Variants in GRIP1 observed in about 807,000 individuals in gnomAD.
The protein encoded by GRIP1 is glutamate receptor interacting protein 1, also known as glutamate receptor-interacting protein 1.
GRIP1 carries 45 observed loss-of-function variants against 129.9 expected under a neutral mutation model. The observed-to-expected ratio is 0.35, with a 90% CI of 0.27 to 0.44. The LOEUF (loss-of-function observed/expected upper bound fraction) is 0.44. Ranked by LOEUF, GRIP1 falls within the 20% of genes least tolerant of loss-of-function variation. The pLI is 1.00. For synonymous variants in GRIP1, 530 were observed against 520.8 expected (o/e 1.02, Z -0.24); for missense variants, 1,196 against 1,396.8 (o/e 0.86, Z 2.29).
At chr12:66,995,973 T>C (rs2042461025) in intron 1 of GRIP1, among the ~76,000 whole-genome samples, 1 of 152,154 alleles carries the variant, frequency 6.6e-6, no homozygotes, top group Non-Finnish European at 1.5e-5. Flanking sequence ...ATGTGGTATA[T>C]ACATACGATG....
intron 1 of GRIP1, among the ~76,000 whole-genome samples, chr12:66,734,271 C>T (rs982321306): frequency 2.0e-5 from 3 of 152,126 alleles, no homozygotes; most frequent in African/African-American, 7.2e-5. Context: ...GGGCTGAAAG[C>T]TGGCACTCAG....
At chr12:66,412,202 A>G (rs2057426754) in intron 15 of GRIP1, among the ~76,000 whole-genome samples, 5 of 152,220 alleles carry the variant, frequency 3.3e-5, no homozygotes, top group Admixed American at 3.3e-4. Flanking sequence ...GGTCGAAATG[A>G]AAGAAAAAAA....
chr12:67,014,396 A>G (rs971944909), intron 1 of GRIP1, among the ~76,000 whole-genome samples: 2 of 152,192 alleles, frequency 1.3e-5, no homozygotes, highest in African/African-American at 4.8e-5. Flanking sequence ...GGAGAAACCA[A>G]AGCACTCACA....
In GRIP1 at chr12:66,796,109, C is replaced by T. The variant is rs140623647; in HGVS notation, c.-420+7944G>A. 1.0e-2 allele frequency among the ~76,000 whole-genome samples: 1,514 copies of T among 152,074 alleles called. 7 individuals carry two copies. Among genetic ancestry groups the T allele is most frequent in the Middle Eastern group, 0.027 (8 of 294 alleles). On this transcript the variant is annotated intron_variant, in intron 1 of 4. Coordinates refer to the GRIP1 transcript ENST00000538373. ...CACCCCCACTTTAGACAATCCCTAA[C>T]TTTGCAATAGTATACTAACAGAAGA... is the stretch of plus-strand genomic sequence containing the variant.
chr12:66,637,854 T>C (rs2031549541), intron 1 of GRIP1, among the ~76,000 whole-genome samples: 1 of 152,184 alleles, frequency 6.6e-6, no homozygotes, highest in South Asian at 2.1e-4. Flanking sequence ...AGGGCATAAC[T>C]GGGACAGATA....
intron 1 of GRIP1, among the ~76,000 whole-genome samples, chr12:66,850,145 TGA>T (rs568446260): frequency 1.1e-3 from 164 of 152,206 alleles, no homozygotes; most frequent in Admixed American, 2.8e-3. Context: ...AAAGGGGAGA[TGA>T]GTTATATTAC....
chr12:66,664,299 T>C (rs908742229), intron 1 of GRIP1, among the ~76,000 whole-genome samples: 7 of 152,224 alleles, frequency 4.6e-5, no homozygotes, highest in African/African-American at 1.7e-4. Context: ...TATGACATCA[T>C]ATTGTGCCCT....
chr12:66,556,878 T>C (rs935655335), intron 2 of GRIP1, among the ~76,000 whole-genome samples: 1 of 150,644 alleles, frequency 6.6e-6, no homozygotes, highest in Non-Finnish European at 1.5e-5. Flanking sequence ...AGAGAAACAT[T>C]ACCACTAAAA....
intron 1 of GRIP1, among the ~76,000 whole-genome samples, chr12:66,858,459 G>C (rs2040044868): frequency 6.6e-6 from 1 of 151,752 alleles, no homozygotes; most frequent in Admixed American, 6.6e-5. Context: ...AAATTGACTT[G>C]TGTTTCTTGG....
intron 7 of GRIP1, among the ~76,000 whole-genome samples, chr12:66,482,541 T>C (rs1253044696): frequency 6.6e-6 from 1 of 152,210 alleles, no homozygotes; most frequent in Non-Finnish European, 1.5e-5. Context: ...TTTTCCATAA[T>C]AAATGTTTCC....
At chr12:67,019,026 A>C (rs1177494204) in intron 1 of GRIP1, among the ~76,000 whole-genome samples, 1 of 152,154 alleles carries the variant, frequency 6.6e-6, no homozygotes, top group Non-Finnish European at 1.5e-5. Context: ...ACATTATTAA[A>C]TGGGGCTGAT....
chr12:66,999,356 T>C (rs977291994), intron 1 of GRIP1, among the ~76,000 whole-genome samples: 1 of 152,092 alleles, frequency 6.6e-6, no homozygotes, highest in Non-Finnish European at 1.5e-5. Flanking sequence ...GAATTTCCAT[T>C]TGAAGGTTAG....
chr12:66,517,663 G>C (rs909928410), intron 6 of GRIP1, among the ~76,000 whole-genome samples: 1 of 152,066 alleles, frequency 6.6e-6, no homozygotes, highest in Non-Finnish European at 1.5e-5. Flanking sequence ...CATTTCCAAT[G>C]GTGGTGGAAA....
chr12:66,388,276 TTA>T (rs1231148685), intron 19 of GRIP1, among the ~76,000 whole-genome samples: 5 of 143,690 alleles, frequency 3.5e-5, no homozygotes, highest in African/African-American at 1.5e-4. Context: ...AAAAAAGAGA[TTA>T]ATTATATAAA....
chr12:66,730,402 C>G (rs954679268), intron 1 of GRIP1, among the ~76,000 whole-genome samples: 1 of 152,048 alleles, frequency 6.6e-6, no homozygotes, highest in Non-Finnish European at 1.5e-5. Flanking sequence ...ATGTAGCTTA[C>G]TTAAAAATTC....
intron 1 of GRIP1, among the ~76,000 whole-genome samples, chr12:66,763,341 G>A (rs1018890657): frequency 3.9e-5 from 6 of 152,076 alleles, no homozygotes; most frequent in Non-Finnish European, 7.4e-5. Context: ...TCATTTGCCG[G>A]TTTGAATTGA....
chr12:66,449,520 G>A (rs1024310031), intron 11 of GRIP1, among the ~76,000 whole-genome samples: 1 of 152,188 alleles, frequency 6.6e-6, no homozygotes, highest in Admixed American at 6.5e-5. Context: ...ATAGCCTGCA[G>A]TGGGGGGTGA....
At chr12:66,739,917 T>C (rs1319389494) in intron 1 of GRIP1, among the ~76,000 whole-genome samples, 1 of 152,148 alleles carries the variant, frequency 6.6e-6, no homozygotes, top group African/African-American at 2.4e-5. Context: ...TCTCTACCCA[T>C]CTTCCTCACT....
intron 19 of GRIP1, among the ~76,000 whole-genome samples, chr12:66,380,166 T>TC (rs1269276946): frequency 6.6e-6 from 1 of 152,146 alleles, no homozygotes; most frequent in Non-Finnish European, 1.5e-5. Flanking sequence ...CACCTCGGCC[T>TC]CCCAGAGTGC....
Sources: allele counts gnomAD v4.1 joint callset (sites outside exome capture counted in the v4.1 genomes callset), GRCh38; gene constraint gnomAD v4.1.1; transcripts MANE v1.5; gene names NCBI Gene and HGNC (gene_info 2026-07-23, HGNC 2026-07-21).